Variants in GATA3 observed in about 807,000 individuals in gnomAD.
GATA3 encodes GATA binding protein 3.
Under a neutral mutation model 36.0 loss-of-function variants are expected in GATA3, and 6 were observed. That is an observed-to-expected ratio of 0.17 (90% CI 0.09 to 0.33). The LOEUF is 0.33. Among genes scored for constraint, GATA3 ranks in the 10% least tolerant of loss-of-function variants. The probability of loss-of-function intolerance (pLI) is 1.00; values close to 1 mark genes in which losing one functional copy is unlikely to be tolerated. For synonymous variants in GATA3, 326 were observed against 273.0 expected (o/e 1.19, Z -1.92); for missense variants, 514 against 610.1 (o/e 0.84, Z 1.66).
rs3802598 is a variant in GATA3 at position 8,071,611 on chromosome 10, A to C, written c.1050+2013A>C. ...AGCTTGGTCTTCATGGCTGGGCTCC[A>C]GTGAATGGGAGACAGAAACTTCCTC... On this transcript the variant is annotated intron_variant, in intron 5 of 5. Coordinates refer to ENST00000379328, the MANE Select transcript of GATA3 (RefSeq NM_001002295.2). Among the ~76,000 whole-genome samples the C allele has an allele frequency of 4.6e-5, 7 of 152,356 alleles. No individual in the cohort carries two copies. In the East Asian group the frequency reaches 1.3e-3, roughly 29 times the overall value.
At chr10:8,070,763 G>A (rs1482319663) in intron 5 of GATA3, among the ~76,000 whole-genome samples, 1 of 152,118 alleles carries the variant, frequency 6.6e-6, no homozygotes, top group East Asian at 1.9e-4. Flanking sequence ...CTGTGATTCC[G>A]AGGAGCCCTG....
At chr10:8,070,002 A>G (rs115515044) in intron 5 of GATA3, among the ~76,000 whole-genome samples, 156 of 152,358 alleles carry the variant, frequency 1.0e-3, no homozygotes, top group African/African-American at 3.4e-3. Context: ...AGGTAAATAG[A>G]ATTGTAATGT....
rs779844133 is a variant in GATA3 at position 8,073,723 on chromosome 10, AT to A, written c.1051-14del. ...AAAAAAGTAAAAAAAAAAAAAAAAA[AT>A]TGATCTTTGTTTAGATTAACAGACC... On this transcript the variant is annotated splice_polypyrimidine_tract_variant and intron_variant, in intron 5 of 5. Transcript: ENST00000379328. 11 of 1,593,430 alleles carry A rather than the reference AT, an allele frequency of 6.9e-6. No homozygotes were observed. In the East Asian group the frequency reaches 1.8e-4, roughly 26 times the overall value.
At chr10:8,061,618 G>A (rs1832750274) in intron 3 of GATA3, among the ~76,000 whole-genome samples, 1 of 152,232 alleles carries the variant, frequency 6.6e-6, no homozygotes, top group Non-Finnish European at 1.5e-5. Context: ...GAAAAAAGAA[G>A]AAGAAAAGCC....
chr10:8,048,740 C>G (rs918254263), upstream of GATA3, among the ~76,000 whole-genome samples: 2 of 152,212 alleles, frequency 1.3e-5, no homozygotes, highest in Non-Finnish European at 1.5e-5. Context: ...ACCCGGGGCT[C>G]CCCCCAACTG....
In GATA3 at chr10:8,055,607, C is replaced by T. The variant is rs11567942; in HGVS notation, c.-49C>T. 24,028 of 1,535,510 alleles carry T rather than the reference C, an allele frequency of 0.016. 232 individuals carry two copies. Among genetic ancestry groups the T allele is most frequent in the Non-Finnish European group, 0.019 (21,395 of 1,144,424 alleles). ...TCCCAGGCGGACCGCCCTCCCTCCC[C>T]GCGCGCGGGTTCCGGGCCCGGCGAG... On this transcript the variant is annotated 5_prime_UTR_variant, in exon 2 of 6. Coordinates refer to ENST00000379328, the MANE Select transcript of GATA3 (RefSeq NM_001002295.2). This position sits in a 1 kb window ranked among gnomAD's most constrained non-coding sequence, Gnocchi z 5.4.
At chr10:8,050,986 T>G, upstream of GATA3, 1 of 495,558 alleles carries the variant, frequency 2.0e-6, no homozygotes, top group Non-Finnish European at 4.1e-6. Context: ...GCCGGTTGCC[T>G]GGCTCTGGTG....
upstream of GATA3, chr10:8,051,046 C>T (rs1449357230): frequency 1.9e-6 from 1 of 525,342 alleles, no homozygotes. Flanking sequence ...AGCCCTAGGG[C>T]TGAGCCCCAG....
upstream of GATA3, chr10:8,052,532 G>A (rs1380330596): frequency 6.6e-6 from 1 of 152,248 alleles, no homozygotes; most frequent in East Asian, 1.9e-4. Flanking sequence ...AGAACCCATG[G>A]CAGCTTTTGG....
At chr10:8,063,830 C>A (rs1337762790) in intron 3 of GATA3, among the ~76,000 whole-genome samples, 163 bp from the exon 4 acceptor site, 1 of 152,164 alleles carries the variant, frequency 6.6e-6, no homozygotes, top group Non-Finnish European at 1.5e-5. Flanking sequence ...CCCAGCTCAA[C>A]TTTGGAGCAT....
upstream of GATA3, among the ~76,000 whole-genome samples, chr10:8,050,192 C>A (rs1244184): frequency 0.055 from 8,368 of 152,342 alleles, 769 homozygotes; most frequent in African/African-American, 0.19. Flanking sequence ...CCGGTGCGTA[C>A]TGCGGCGGGC....
rs771990373 is a variant in GATA3, at chr10:8,069,618, C to A, written c.1050+20C>A. The stretch of plus-strand genomic sequence containing the variant: ...CACAATGTAAGTGGACTGGGATCAG[C>A]AAGAACAGGGCTCGCTTCCTGATGG... On this transcript the variant is annotated intron_variant, in intron 5 of 5. Coordinates refer to ENST00000379328, the MANE Select transcript of GATA3 (RefSeq NM_001002295.2). The A allele has an allele frequency of 6.2e-7, 1 of 1,613,884 alleles. No individual in the cohort carries two copies. The highest frequency in any genetic ancestry group is 1.3e-5 in the African/African-American group (1 of 74,892).
chr10:8,058,750 C>T lies in GATA3; in HGVS notation c.687C>T (p.Tyr229=), dbSNP rs1284088969. ...CCTACCCGCCCTACGTGCCCGAGTA[C>T]AGCTCCGGACTCTTCCCCCCCAGCA... ...ITTYPPYVPE[Y]SSGLFPPSSL... Residue 229 remains tyrosine (Y), a synonymous_variant, in exon 3 of 6, where the codon TAC becomes TAT. Coordinates refer to ENST00000379328, the MANE Select transcript of GATA3 (RefSeq NM_001002295.2). 1.2e-6 allele frequency: 2 copies of T among 1,611,492 alleles called. No homozygotes were observed. The highest frequency in any genetic ancestry group is 1.1e-5 in the South Asian group (1 of 91,066).
At chr10:8,063,971 T>G in intron 3 of GATA3, 22 bp from the exon 4 acceptor site, 3 of 1,614,206 alleles carry the variant, frequency 1.9e-6, no homozygotes, top group Non-Finnish European at 2.5e-6. Flanking sequence ...CCTAAGTGGC[T>G]TATCTGTGCT....
At chr10:8,052,764 T>C (rs1030393012), upstream of GATA3, 1 of 152,136 alleles carries the variant, frequency 6.6e-6, no homozygotes, top group Non-Finnish European at 1.5e-5. Context: ...TAGAGAGCGC[T>C]GTGAGCAGGA....
At chr10:8,073,359 G>A (rs1832961731) in intron 5 of GATA3, among the ~76,000 whole-genome samples, 1 of 152,024 alleles carries the variant, frequency 6.6e-6, no homozygotes, top group African/African-American at 2.4e-5. Flanking sequence ...GATGGCCTGG[G>A]GAGTACTTTT....
At chr10:8,068,124 G>T in intron 4 of GATA3, among the ~76,000 whole-genome samples, 1 of 151,994 alleles carries the variant, frequency 6.6e-6, no homozygotes, top group East Asian at 1.9e-4. Flanking sequence ...TTTTTAAAGC[G>T]TGAACAGAGA....
rs552857468 is a variant in GATA3, at chr10:8,075,090, G to A, written c.*1067G>A. ...ACAGGCCACGTCCTGCAATCGGCCC[G>A]GCTGCCTCTTCGCCCTGTCGTGTTC... On this transcript the variant is annotated 3_prime_UTR_variant, in exon 6 of 6. Coordinates refer to ENST00000379328, the MANE Select transcript of GATA3 (RefSeq NM_001002295.2). The A allele has an allele frequency of 4.3e-6, 1 of 233,058 alleles. No homozygotes were observed. 14.4% of individuals were successfully genotyped at this position (233,058 alleles called of 1,614,324 possible). A position where few individuals can be genotyped will look rare whatever the true frequency, so the allele number is the denominator to read the frequency against.
rs1832602061 is a variant in GATA3 at position 8,055,119 on chromosome 10, CGAGCCGGGCTGCAGGGACGTCCCCGA to C, written c.-369-162_-369-137del. 6.6e-6 allele frequency among the ~76,000 whole-genome samples: 1 copy of C among 152,000 alleles called. No homozygotes were observed. Among genetic ancestry groups the C allele is most frequent in the African/African-American group, 2.4e-5 (1 of 41,414 alleles). ...GTTGCTCAGCCAGCCCCGGCTCCCG[CGAGCCGGGCTGCAGGGACGTCCCCGA>C]GAGCCCTGCGGGCTCCGCGGCCGTG... On this transcript the variant is annotated intron_variant, in intron 1 of 5. Coordinates refer to ENST00000379328, the MANE Select transcript of GATA3 (RefSeq NM_001002295.2). This position sits in a 1 kb window ranked among gnomAD's most constrained non-coding sequence, Gnocchi z 5.4.
Sources: gnomAD v4.1 joint callset for allele counts (sites outside exome capture counted in the v4.1 genomes callset) on GRCh38, gnomAD v4.1.1 for gene constraint, Gnocchi (gnomAD v3.1) non-coding constraint, MANE v1.5 for transcripts, NCBI Gene and HGNC (gene_info 2026-07-23, HGNC 2026-07-21) for gene names.